The following CERKL variants were observed in gnomAD, a reference collection of about 807,000 sequenced individuals.
The protein encoded by CERKL is ceramide kinase-like protein.
In CERKL, 61 loss-of-function variants were observed where a neutral mutation model predicts 63.4. The observed-to-expected ratio is 0.96, with a 90% CI of 0.78 to 1.19. The LOEUF is 1.19. CERKL is among the 50% of genes most tolerant of loss of function. The probability of loss-of-function intolerance (pLI) is 0.00; values close to 1 mark genes in which losing one functional copy is unlikely to be tolerated. For missense variants in CERKL, 675 were observed against 655.5 expected, an observed-to-expected ratio of 1.03 and a Z score of -0.33; for synonymous variants, 250 against 230.5, an observed-to-expected ratio of 1.08 and a Z score of -0.77.
At chr2:181,616,020 G>A (rs1301820221) in intron 1 of CERKL, among the ~76,000 whole-genome samples, 2 of 151,892 alleles carry the variant, frequency 1.3e-5, no homozygotes, top group East Asian at 1.9e-4. Context: ...CAGTCCAATC[G>A]CAAATGTCAC....
intron 1 of CERKL, among the ~76,000 whole-genome samples, chr2:181,626,158 A>G (rs1488940481): frequency 1.3e-5 from 2 of 152,218 alleles, no homozygotes; most frequent in African/African-American, 4.8e-5. Flanking sequence ...TAAAGAGTAT[A>G]GTAATACACT....
At chr2:181,554,479 C>A (rs925228058) in intron 5 of CERKL, among the ~76,000 whole-genome samples, 2 of 152,178 alleles carry the variant, frequency 1.3e-5, no homozygotes, top group Non-Finnish European at 2.9e-5. Context: ...TCACAGCCAT[C>A]AGTATGTGGC....
At position 181,550,460 on chromosome 2, in the gene CERKL, C is replaced by A. The variant is rs1016920555; in HGVS notation, c.821-752G>T. Among the ~76,000 whole-genome samples the A allele has an allele frequency of 1.3e-5, 2 of 152,118 alleles. No homozygotes were observed. The highest frequency in any genetic ancestry group is 4.8e-5 in the African/African-American group (2 of 41,426). ...GAAATCTGAGATACAGGGGACTATA[C>A]CAGCTAGCCCTTCCCATTCCCAGGA... On this transcript the variant is annotated intron_variant, in intron 5 of 12. Coordinates refer to ENST00000410087, the MANE Select transcript of CERKL (RefSeq NM_201548.5). The surrounding 1 kb of genome is among the most constrained non-coding windows in gnomAD (Gnocchi z 4.5).
At chr2:181,587,706 A>T (rs1312257325) in intron 2 of CERKL, among the ~76,000 whole-genome samples, 1 of 152,178 alleles carries the variant, frequency 6.6e-6, no homozygotes, top group Non-Finnish European at 1.5e-5. Flanking sequence ...TGATAGTTGT[A>T]TATTTAATCC....
At chr2:181,559,643 G>A (rs1688354784) in intron 4 of CERKL, among the ~76,000 whole-genome samples, 1 of 152,144 alleles carries the variant, frequency 6.6e-6, no homozygotes, top group Non-Finnish European at 1.5e-5. Flanking sequence ...ATTTAAGGCT[G>A]AGTCTCCTAA....
At chr2:181,546,395 A>C (rs959465813) in intron 10 of CERKL, among the ~76,000 whole-genome samples, 2 of 152,218 alleles carry the variant, frequency 1.3e-5, no homozygotes, top group African/African-American at 2.4e-5. Context: ...AAGTTTAGTC[A>C]GGGAAACTAC....
In CERKL at chr2:181,537,269, G is replaced by C. The variant is rs116322351; in HGVS notation, c.*915C>G. On this transcript the variant is annotated 3_prime_UTR_variant, in exon 13 of 13. Transcript: ENST00000410087. ...TTTACATTTGGTTCTTTCCTACTCAGAACTACTCAGAAACAACTATATATT... is the reference window on the plus strand; with the variant it reads ...TTTACATTTGGTTCTTTCCTACTCACAACTACTCAGAAACAACTATATATT... 8.2e-3 allele frequency: 3,699 copies of C among 453,592 alleles called. 97 individuals carry two copies. Among genetic ancestry groups the C allele is most frequent in the African/African-American group, 0.064 (3,199 of 50,060 alleles). 28.1% of individuals were successfully genotyped at this position (453,592 alleles called of 1,614,324 possible). A position where few individuals can be genotyped will look rare whatever the true frequency, so the allele number is the denominator to read the frequency against.
chr2:181,562,966 GAAA>G (rs1385767648), intron 4 of CERKL, among the ~76,000 whole-genome samples: 1 of 151,992 alleles, frequency 6.6e-6, no homozygotes, highest in African/African-American at 2.4e-5. Flanking sequence ...ATGAACAAAA[GAAA>G]AGTAACTCAA....
intron 2 of CERKL, among the ~76,000 whole-genome samples, chr2:181,585,619 A>G (rs1304290586): frequency 1.3e-5 from 2 of 152,200 alleles, no homozygotes; most frequent in African/African-American, 2.4e-5. Flanking sequence ...CAAGTTTTAA[A>G]AACAAAAAAG....
At chr2:181,614,937 T>A (rs1459878364) in intron 1 of CERKL, among the ~76,000 whole-genome samples, 1 of 152,216 alleles carries the variant, frequency 6.6e-6, no homozygotes, top group Non-Finnish European at 1.5e-5. Flanking sequence ...TTGCAAGTTA[T>A]GATAATTAAA....
intron 3 of CERKL, among the ~76,000 whole-genome samples, chr2:181,570,965 C>A (rs2105841727): frequency 6.6e-6 from 1 of 152,210 alleles, no homozygotes; most frequent in South Asian, 2.1e-4. Context: ...CCTCTTTCTG[C>A]TTTACTCTTC....
intron 4 of CERKL, among the ~76,000 whole-genome samples, chr2:181,564,410 C>T (rs1166182094): frequency 6.6e-6 from 1 of 152,042 alleles, no homozygotes; most frequent in Non-Finnish European, 1.5e-5. Context: ...AATGGTTAGG[C>T]CAAACTATTT....
At chr2:181,629,128 C>T (rs976575387) in intron 1 of CERKL, among the ~76,000 whole-genome samples, 16 of 152,024 alleles carry the variant, frequency 1.1e-4, no homozygotes, top group Non-Finnish European at 2.2e-4. Context: ...CAATATGATT[C>T]AATAATCCTG....
At chr2:181,624,476 A>G (rs1435769994) in intron 1 of CERKL, among the ~76,000 whole-genome samples, 2 of 152,184 alleles carry the variant, frequency 1.3e-5, no homozygotes, top group Non-Finnish European at 1.5e-5. Context: ...TAAAGGCTAC[A>G]GCGAGCTATG....
intron 1 of CERKL, among the ~76,000 whole-genome samples, chr2:181,639,067 T>C (rs1489803962): frequency 1.3e-5 from 2 of 152,202 alleles, no homozygotes; most frequent in Admixed American, 6.5e-5. Context: ...CATTTCAAGG[T>C]TGACATATTT....
chr2:181,601,211 G>C (rs1286976373), intron 2 of CERKL, among the ~76,000 whole-genome samples: 2 of 152,108 alleles, frequency 1.3e-5, no homozygotes, highest in Admixed American at 1.3e-4. Context: ...GAACTACATG[G>C]ACCTGCAATT....
chr2:181,566,091 A>T lies in CERKL; in HGVS notation c.644T>A (p.Leu215Gln). The change falls in exon 4 of 13, where the codon CTG (leucine) becomes CAG (glutamine). Residue 215 changes from leucine (L) to glutamine (Q), a missense_variant. By Grantham distance (113) the Leu-to-Gln change is moderately radical. Coordinates refer to ENST00000410087, the MANE Select transcript of CERKL (RefSeq NM_201548.5). ...TCCCTGGAGTTCACATTCCTTAAGC[A>T]GTGACAGAGCGTGCCCTTCATATTC... ...IMEYEGHALS[L>Q]LKECELQGFD... The T allele has an allele frequency of 6.2e-7, 1 of 1,611,202 alleles. No homozygotes were observed. The highest frequency in any genetic ancestry group is 2.2e-5 in the East Asian group (1 of 44,718).
Position 181,537,744 on chromosome 2 carries a change from AAAAG to A in CERKL, c.*436_*439del. On this transcript the variant is annotated 3_prime_UTR_variant, in exon 13 of 13. Transcript: ENST00000410087. ...TGTGTCCAATAAACACATTGTAAAA[AAAAG>A]AATTTGAATTGATATCTAAAAACAG... The A allele has an allele frequency of 2.3e-6, 1 of 442,788 alleles. No homozygotes were observed. Among genetic ancestry groups the A allele is most frequent in the East Asian group, 7.0e-5 (1 of 14,284 alleles). 27.4% of individuals were successfully genotyped at this position (442,788 alleles called of 1,614,324 possible).
chr2:181,627,611 T>C (rs1240904222), intron 1 of CERKL, among the ~76,000 whole-genome samples: 1 of 152,204 alleles, frequency 6.6e-6, no homozygotes, highest in Non-Finnish European at 1.5e-5. Context: ...GTATTTCTTT[T>C]GACGAAAACT....
Sources: gnomAD v4.1 joint callset for allele counts (sites outside exome capture counted in the v4.1 genomes callset) on GRCh38, gnomAD v4.1.1 for gene constraint, Gnocchi (gnomAD v3.1) non-coding constraint, MANE v1.5 for transcripts, NCBI Gene and HGNC (gene_info 2026-07-23, HGNC 2026-07-21) for gene names.